NCALD: variants seen among roughly 807,000 people sequenced by gnomAD.
The protein encoded by NCALD is neurocalcin delta.
In NCALD, 10 loss-of-function variants were observed where a neutral mutation model predicts 18.6. The ratio of observed to expected loss-of-function variants is 0.54; its 90% CI spans 0.33 to 0.91. The LOEUF is 0.91. Among genes scored for constraint, NCALD ranks in the 40% least tolerant of loss-of-function variants. The pLI, the probability that NCALD is intolerant of heterozygous loss-of-function variation, is 0.03. For missense variants in NCALD, 184 were observed against 247.6 expected (o/e 0.74, Z 1.72); for synonymous variants, 88 against 87.4 (o/e 1.01, Z -0.04).
At chr8:101,909,503 C>T (rs73696564) in intron 3 of NCALD, among the ~76,000 whole-genome samples, 7,020 of 152,254 alleles carry the variant, frequency 0.046, 256 homozygotes, top group African/African-American at 0.1. Flanking sequence ...TTCAAGCTTA[C>T]TGATGGCGCA....
chr8:101,966,015 A>T (rs1820012026), intron 2 of NCALD, among the ~76,000 whole-genome samples: 1 of 152,178 alleles, frequency 6.6e-6, no homozygotes, highest in African/African-American at 2.4e-5. Flanking sequence ...TTTTAGGAAC[A>T]TTCTTGCCAT....
intron 4 of NCALD, among the ~76,000 whole-genome samples, chr8:101,838,661 A>G (rs1814512232): frequency 6.6e-6 from 1 of 152,240 alleles, no homozygotes; most frequent in African/African-American, 2.4e-5. Context: ...GCATTCAATC[A>G]TTGAAATTGA....
rs545914286 is a variant in NCALD at position 101,853,855 on chromosome 8, CTCCTT to C, written c.-20+33281_-20+33285del. Among the ~76,000 whole-genome samples the C allele has an allele frequency of 7.5e-3, 1,145 of 152,290 alleles. 12 individuals are homozygous for C. Among genetic ancestry groups the C allele is most frequent in the African/African-American group, 0.026 (1,073 of 41,568 alleles). On this transcript the variant is annotated intron_variant, in intron 4 of 6. Transcript: ENST00000311028. ...CCTGCTCCCCCCATTTCCATTTACT[CTCCTT>C]TCCACCAACCTAGGGTGACATTAAG...
At chr8:101,890,821 A>G (rs1238497468) in intron 3 of NCALD, among the ~76,000 whole-genome samples, 1 of 152,122 alleles carries the variant, frequency 6.6e-6, no homozygotes, top group East Asian at 1.9e-4. Context: ...ATCCAGAGAA[A>G]CTCTTGCACA....
intron 2 of NCALD, among the ~76,000 whole-genome samples, chr8:101,952,254 T>C (rs980661931): frequency 2.4e-4 from 36 of 152,296 alleles, no homozygotes; most frequent in Admixed American, 2.4e-3. Context: ...GTCTGTCCCA[T>C]GAAACAACTG....
At chr8:102,068,103 A>G (rs1563589432) in intron 1 of NCALD, among the ~76,000 whole-genome samples, 1 of 152,202 alleles carries the variant, frequency 6.6e-6, no homozygotes, top group African/African-American at 2.4e-5. Context: ...AAATATTTAA[A>G]GGAGAGTGAG....
intron 1 of NCALD, among the ~76,000 whole-genome samples, chr8:101,757,156 C>T (rs10955275): frequency 1.3e-5 from 2 of 152,068 alleles, no homozygotes; most frequent in East Asian, 1.9e-4. Flanking sequence ...GTTTACCCAC[C>T]ATGGCCTTCA....
intron 2 of NCALD, among the ~76,000 whole-genome samples, chr8:101,698,859 C>T (rs927606799): frequency 6.6e-6 from 1 of 152,092 alleles, no homozygotes; most frequent in Non-Finnish European, 1.5e-5. Flanking sequence ...CCATTCAGGA[C>T]ACAGGCATGG....
At chr8:101,956,040 G>A (rs1279883781) in intron 2 of NCALD, among the ~76,000 whole-genome samples, 1 of 152,162 alleles carries the variant, frequency 6.6e-6, no homozygotes, top group Admixed American at 6.5e-5. Context: ...GAACCCATAG[G>A]AGAATCTAGG....
intron 2 of NCALD, among the ~76,000 whole-genome samples, chr8:101,711,315 A>G (rs1210051462): frequency 3.3e-5 from 5 of 152,082 alleles, no homozygotes; most frequent in Admixed American, 3.3e-4. Flanking sequence ...ATGAAGAAAA[A>G]CCAGTGCAAA....
rs546136944 is a variant in NCALD, at chr8:101,743,973, A to AGG, written c.-19-24326_-19-24325insCC. ...GTGTGAACTCCTTTAAACCCGAGAG[A>AGG]AGTTAAGAAGGCACTGAGATGTAAA... On this transcript the variant is annotated intron_variant, in intron 1 of 3. Transcript: ENST00000220931. Among the ~76,000 whole-genome samples, 229 of 152,266 alleles carry AGG rather than the reference A, an allele frequency of 1.5e-3. 2 individuals carry two copies. Among genetic ancestry groups the AGG allele is most frequent in the African/African-American group, 5.2e-3 (215 of 41,550 alleles).
intron 1 of NCALD, among the ~76,000 whole-genome samples, chr8:102,093,792 AC>A (rs1325380997): frequency 7.9e-5 from 12 of 152,198 alleles, no homozygotes; most frequent in Admixed American, 7.9e-4. Flanking sequence ...CAAATAAAAC[AC>A]ACCCTTGTGC....
intron 3 of NCALD, among the ~76,000 whole-genome samples, chr8:101,911,480 C>T (rs1817799081): frequency 6.6e-6 from 1 of 151,350 alleles, no homozygotes; most frequent in Non-Finnish European, 1.5e-5. Flanking sequence ...ACTTCAGGCT[C>T]CCTAGTACCT....
At position 101,947,372 on chromosome 8, in the gene NCALD, A is replaced by T. The variant is rs1819216638; in HGVS notation, c.-156-31514T>A. 2.0e-5 allele frequency among the ~76,000 whole-genome samples: 3 copies of T among 152,180 alleles called. No homozygotes were observed. In the South Asian group the frequency reaches 6.2e-4, roughly 32 times the overall value. ...TCACCAGAGAGTCCTCCATCATGAC[A>T]ATGTTCCCACCCATTTCTCTCATCA... On this transcript the variant is annotated intron_variant, in intron 2 of 6. Coordinates refer to the NCALD transcript ENST00000311028.
At chr8:101,853,174 A>G (rs1815167842) in intron 4 of NCALD, among the ~76,000 whole-genome samples, 1 of 152,236 alleles carries the variant, frequency 6.6e-6, no homozygotes, top group Admixed American at 6.5e-5. Context: ...CATTAAATAA[A>G]TTAAAACCCA....
chr8:101,779,935 G>C (rs1586482959), intron 1 of NCALD: 1 of 152,148 alleles, frequency 6.6e-6, no homozygotes, highest in East Asian at 1.9e-4. Context: ...TCAAACAGCT[G>C]TGTGAAGTTC....
chr8:101,715,990 A>C (rs1816059740), intron 2 of NCALD, among the ~76,000 whole-genome samples: 1 of 152,242 alleles, frequency 6.6e-6, no homozygotes, highest in Non-Finnish European at 1.5e-5. Context: ...AGGATTATAA[A>C]TCATTCTGCT....
intron 4 of NCALD, among the ~76,000 whole-genome samples, chr8:101,816,955 CT>C (rs1333492194): frequency 3.3e-5 from 5 of 152,074 alleles, no homozygotes; most frequent in African/African-American, 7.2e-5. Context: ...TAAAACTACG[CT>C]TTAAAAAGTG....
intron 1 of NCALD, among the ~76,000 whole-genome samples, chr8:102,078,658 T>C (rs1268973993): frequency 6.6e-6 from 1 of 152,224 alleles, no homozygotes; most frequent in African/African-American, 2.4e-5. Context: ...CTGGCCTCTT[T>C]GCCTGGAATT....
Sources: gnomAD v4.1 joint callset for allele counts (sites outside exome capture counted in the v4.1 genomes callset) on GRCh38, gnomAD v4.1.1 for gene constraint, MANE v1.5 for transcripts, NCBI Gene and HGNC (gene_info 2026-07-23, HGNC 2026-07-21) for gene names.